The following APBA3 variants were observed in gnomAD, a reference collection of about 807,000 sequenced individuals.
APBA3 encodes amyloid beta precursor protein binding family A member 3.
Under a neutral mutation model 55.9 loss-of-function variants are expected in APBA3, and 45 were observed. The ratio of observed to expected loss-of-function variants is 0.80; its 90% CI spans 0.63 to 1.03. APBA3 has a LOEUF of 1.03. Ranked by LOEUF, APBA3 falls within the 50% of genes least tolerant of loss-of-function variation. The pLI, the probability that APBA3 is intolerant of heterozygous loss-of-function variation, is 0.00. For synonymous variants in APBA3, 370 were observed against 353.3 expected (o/e 1.05, Z -0.53); for missense variants, 865 against 820.3 (o/e 1.05, Z -0.67).
intron 1 of APBA3, among the ~76,000 whole-genome samples, chr19:3,761,221 G>C (rs1384094465): frequency 6.6e-6 from 1 of 152,010 alleles, no homozygotes; most frequent in Admixed American, 6.6e-5. Context: ...TGGAGACCCA[G>C]ACCTCACACC....
intron 3 of APBA3, among the ~76,000 whole-genome samples, chr19:3,757,447 A>G (rs896904934): frequency 2.0e-5 from 3 of 150,996 alleles, no homozygotes; most frequent in Non-Finnish European, 4.4e-5. Context: ...GAAGTGTAGA[A>G]CAGAGGCTGG....
chr19:3,759,648 C>T, intron 2 of APBA3, 41 bp downstream of exon 2: 1 of 1,607,610 alleles, frequency 6.2e-7, no homozygotes, highest in Non-Finnish European at 8.5e-7. Context: ...CTGCTTGGTT[C>T]CAGGCAGTCC....
chr19:3,754,517 A>C, intron 3 of APBA3, 177 bp from the exon 4 acceptor site: 1 of 793,426 alleles, frequency 1.3e-6, no homozygotes, highest in Non-Finnish European at 1.9e-6. Flanking sequence ...TGGCCCTCAC[A>C]GGTCTAGAAC....
intron 6 of APBA3, chr19:3,753,483 A>C: frequency 2.4e-6 from 1 of 421,552 alleles, no homozygotes; most frequent in Admixed American, 4.0e-5. Flanking sequence ...CCGTGTCTCT[A>C]TAAAAAATAC....
chr19:3,758,209 T>C (rs552272295), intron 3 of APBA3, among the ~76,000 whole-genome samples: 21 of 152,056 alleles, frequency 1.4e-4, no homozygotes, highest in East Asian at 7.8e-4. Context: ...GCTGGGATTA[T>C]AGGCGTGAGC....
At position 3,751,419 on chromosome 19, in the gene APBA3, G is replaced by A. The variant is rs1298861167; in HGVS notation, c.1515+15C>T. On this transcript the variant is annotated intron_variant, in intron 9 of 10. Coordinates refer to ENST00000316757, the MANE Select transcript of APBA3 (RefSeq NM_004886.4). ...CCCTACCCCCCCACCCCGGGGCCAG[G>A]GGCCGGGGCCTCACGATGCCGTCCT... is the stretch of plus-strand genomic sequence containing the variant. 3 of 1,520,364 alleles carry A rather than the reference G, an allele frequency of 2.0e-6. No individual in the cohort carries two copies. The highest frequency in any genetic ancestry group is 2.1e-5 in the Admixed American group (1 of 47,058). The allele number at this position is 1,520,364 out of a possible 1,614,324, so 94.2% of individuals were successfully genotyped here. A position where few individuals can be genotyped will look rare whatever the true frequency, so the allele number is the denominator to read the frequency against.
chr19:3,760,732 G>C (rs1461044441), intron 1 of APBA3, among the ~76,000 whole-genome samples: 1 of 140,162 alleles, frequency 7.1e-6, no homozygotes, highest in Non-Finnish European at 1.5e-5. Context: ...GTGGGCGACA[G>C]ACGAGACTAT....
chr19:3,753,331 G>A, intron 6 of APBA3: 1 of 419,830 alleles, frequency 2.4e-6, no homozygotes. Flanking sequence ...GTTTCGGGGA[G>A]TCGGCCGAGA....
intron 3 of APBA3, among the ~76,000 whole-genome samples, chr19:3,756,895 C>A (rs1236559725): frequency 6.6e-6 from 1 of 152,154 alleles, no homozygotes; most frequent in Non-Finnish European, 1.5e-5. Context: ...CACTAGATAA[C>A]TATTCCCTCC....
rs1599171538 is a variant in APBA3, at chr19:3,752,805, C to T, written c.1182+15G>A. ...TGGGGGGCACCAGGTGGGGGCTGCC[C>T]AGCACCTCACTCACCTCCCGGCAGT... On this transcript the variant is annotated intron_variant, in intron 7 of 10. Coordinates refer to ENST00000316757, the MANE Select transcript of APBA3 (RefSeq NM_004886.4). The T allele has an allele frequency of 6.2e-7, 1 of 1,612,066 alleles. No homozygotes were observed. The highest frequency in any genetic ancestry group is 1.1e-5 in the South Asian group (1 of 90,968).
chr19:3,751,650 AC>A, intron 8 of APBA3, 97 bp from the exon 9 acceptor site: 1 of 1,377,694 alleles, frequency 7.3e-7, no homozygotes, highest in Non-Finnish European at 9.7e-7. Flanking sequence ...TAAACCAGAG[AC>A]CTGGAGTCCA....
At chr19:3,758,012 G>A (rs986911281) in intron 3 of APBA3, among the ~76,000 whole-genome samples, 3 of 151,950 alleles carry the variant, frequency 2.0e-5, no homozygotes, top group Non-Finnish European at 2.9e-5. Context: ...TCAGCTCACC[G>A]CAACCTCCGC....
chr19:3,753,876 G>A lies in APBA3; in HGVS notation c.900C>T (p.Ile300=), dbSNP rs34868972. 0.16 allele frequency: 247,277 copies of A among 1,562,284 alleles called. 21,289 individuals are homozygous for A. The highest frequency in any genetic ancestry group is 0.21 in the Middle Eastern group (1,285 of 5,988). Residue 300 remains isoleucine (I), a synonymous_variant, in exon 6 of 11, where the codon ATC becomes ATT. Coordinates refer to ENST00000316757, the MANE Select transcript of APBA3 (RefSeq NM_004886.4). ...GCGCCATCAGCACCAGCACGCAGCCGATGTCGGCTGTGTAGGAGATGGTAT... is the reference window on the plus strand; with the variant it reads ...GCGCCATCAGCACCAGCACGCAGCCAATGTCGGCTGTGTAGGAGATGGTAT... The part of the protein sequence containing the change: ...ALHTISYTAD[I]GCVLVLMARR...
intron 1 of APBA3, among the ~76,000 whole-genome samples, chr19:3,761,277 C>G (rs1485806979): frequency 1.3e-5 from 2 of 152,152 alleles, no homozygotes; most frequent in African/African-American, 2.4e-5. Context: ...GACCCCAGAC[C>G]CAAGACCCCA....
chr19:3,753,902 G>T lies in APBA3; in HGVS notation c.874C>A (p.His292Asn). The change falls in exon 6 of 11, where the codon CAT becomes AAT. Residue 292 changes from histidine to asparagine, a missense_variant. His to Asn is a moderately conservative substitution (Grantham distance 68). Transcript: ENST00000316757. ...ATGTCGGCTGTGTAGGAGATGGTAT[G>T]CAGGGCGTGGTCCATCATGGCCTCC... ...SQEAMMDHAL[H>N]TISYTADIGC... 6.4e-7 allele frequency: 1 copy of T among 1,556,516 alleles called. No homozygotes were observed. Among genetic ancestry groups the T allele is most frequent in the Non-Finnish European group, 8.7e-7 (1 of 1,149,578 alleles).
At chr19:3,757,408 G>A (rs1393633243) in intron 3 of APBA3, among the ~76,000 whole-genome samples, 1 of 151,178 alleles carries the variant, frequency 6.6e-6, no homozygotes, top group Non-Finnish European at 1.5e-5. Context: ...TTCCCGGCCA[G>A]AACTTACTAT....
At chr19:3,758,680 C>T (rs1028686182) in intron 3 of APBA3, among the ~76,000 whole-genome samples, 7 of 151,988 alleles carry the variant, frequency 4.6e-5, no homozygotes, top group African/African-American at 1.4e-4. Context: ...GAGTTCAACA[C>T]CAGCCTGGCC....
intron 8 of APBA3, 163 bp from the exon 9 acceptor site, chr19:3,751,716 G>A (rs897275007): frequency 1.6e-5 from 13 of 824,074 alleles, no homozygotes; most frequent in African/African-American, 1.0e-4. Context: ...ACTCGGGCCC[G>A]GTGGGCATGG....
At position 3,752,866 on chromosome 19, in the gene APBA3, T is replaced by C; in HGVS notation, c.1136A>G (p.His379Arg). Residue 379 changes from histidine to arginine, a missense_variant, in exon 7 of 11, where the codon CAT (histidine) becomes CGT (arginine). His to Arg is a conservative substitution (Grantham distance 29). Coordinates refer to ENST00000316757, the MANE Select transcript of APBA3 (RefSeq NM_004886.4). ...GGAGAAGTGGTCCAGGTCCCCATTA[T>C]GGAGGTGGCAGGCGCCTGGGCTCGG... is the stretch of plus-strand genomic sequence containing the variant. ...VHPSPGACHL[H>R]NGDLDHFSNS... The C allele has an allele frequency of 6.2e-7, 1 of 1,613,384 alleles. No homozygotes were observed.
Sources: gnomAD v4.1 joint callset for allele counts (sites outside exome capture counted in the v4.1 genomes callset) on GRCh38, gnomAD v4.1.1 for gene constraint, MANE v1.5 for transcripts, NCBI Gene and HGNC (gene_info 2026-07-23, HGNC 2026-07-21) for gene names.